The following CCBE1 variants were observed in gnomAD, a reference collection of about 807,000 sequenced individuals.
CCBE1 encodes collagen and calcium binding EGF domains 1.
In CCBE1, 37 loss-of-function variants were observed where a neutral mutation model predicts 50.0. The ratio of observed to expected loss-of-function variants is 0.74; its 90% CI spans 0.57 to 0.97. The LOEUF (loss-of-function observed/expected upper bound fraction) is 0.97. Among genes scored for constraint, CCBE1 ranks in the 50% least tolerant of loss-of-function variants. CCBE1 has a pLI of 0.00. For missense variants in CCBE1, 538 were observed against 523.8 expected, an observed-to-expected ratio of 1.03 and a Z score of -0.26; for synonymous variants, 234 against 203.7, an observed-to-expected ratio of 1.15 and a Z score of -1.27.
At chr18:59,688,168 A>T (rs2054682512) in intron 2 of CCBE1, 1 of 152,150 alleles carries the variant, frequency 6.6e-6, no homozygotes, top group African/African-American at 2.4e-5. Flanking sequence ...TTTCTACTAT[A>T]CTAATTCAAA....
chr18:59,573,928 G>A (rs558258080), intron 2 of CCBE1, among the ~76,000 whole-genome samples: 1 of 152,282 alleles, frequency 6.6e-6, no homozygotes, highest in South Asian at 2.1e-4. Context: ...CATGTAATAG[G>A]TATGAAATAT....
intron 2 of CCBE1, among the ~76,000 whole-genome samples, chr18:59,511,027 T>C (rs985909976): frequency 6.6e-6 from 1 of 152,184 alleles, no homozygotes; most frequent in African/African-American, 2.4e-5. Flanking sequence ...AGAGCCTATG[T>C]CTGACCCCTG....
At chr18:59,671,183 T>A (rs1030865273) in intron 2 of CCBE1, among the ~76,000 whole-genome samples, 1 of 151,740 alleles carries the variant, frequency 6.6e-6, no homozygotes, top group Admixed American at 6.6e-5. Context: ...AGGAAAGCCA[T>A]TTGAGTACCC....
At chr18:59,612,307 AAAAAAAAAGGGAAGAAAAAAAAG>A (rs1468556031) in intron 2 of CCBE1, among the ~76,000 whole-genome samples, 8 of 145,294 alleles carry the variant, frequency 5.5e-5, no homozygotes, top group African/African-American at 1.5e-4. Context: ...AAAAAAAAAG[AAAAAAAAAGGGAAGAAAAAAAAG>A]AAAAAAAAAA....
At position 59,466,808 on chromosome 18, in the gene CCBE1, G is replaced by A. The variant is rs562613006; in HGVS notation, c.484C>T (p.Arg162Trp). 56 of 1,613,670 alleles carry A rather than the reference G, an allele frequency of 3.5e-5. No individual in the cohort carries two copies. Among genetic ancestry groups the A allele is most frequent in the African/African-American group, 2.0e-4 (15 of 75,018 alleles). Reference sequence around the variant, plus strand: ...TCATCTTCCCGGATGTAGCCTTCCCGGCACTCGCAGCGGTAGCTGCCCAAG... The same window carrying A: ...TCATCTTCCCGGATGTAGCCTTCCCAGCACTCGCAGCGGTAGCTGCCCAAG... ...NTLGSYRCEC[R>W]EGYIREDDGK... is the part of the protein sequence containing the mutation. Residue 162 changes from arginine (R) to tryptophan (W), a missense_variant, in exon 5 of 11, where the codon CGG (arginine) becomes TGG (tryptophan). Coordinates refer to ENST00000439986, the MANE Select transcript of CCBE1 (RefSeq NM_133459.4).
At chr18:59,540,943 C>T (rs1915442793) in intron 2 of CCBE1, among the ~76,000 whole-genome samples, 1 of 152,160 alleles carries the variant, frequency 6.6e-6, no homozygotes, top group Admixed American at 6.5e-5. Context: ...AGTAGTTGGG[C>T]TGCTGGAAAA....
chr18:59,564,361 T>C (rs1239938860), intron 2 of CCBE1, among the ~76,000 whole-genome samples: 1 of 152,218 alleles, frequency 6.6e-6, no homozygotes, highest in Non-Finnish European at 1.5e-5. Flanking sequence ...CAAAATGAGA[T>C]ACTATATATA....
At chr18:59,581,020 G>A (rs938652529) in intron 2 of CCBE1, among the ~76,000 whole-genome samples, 2 of 152,146 alleles carry the variant, frequency 1.3e-5, no homozygotes, top group African/African-American at 2.4e-5. Context: ...AGCATCAGTC[G>A]CCAACACATC....
intron 2 of CCBE1, among the ~76,000 whole-genome samples, chr18:59,506,815 T>A (rs763057964): frequency 5.1e-4 from 77 of 152,208 alleles, no homozygotes; most frequent in Non-Finnish European, 1.0e-3. Flanking sequence ...AATTTACAAC[T>A]ATCACCTCTG....
intron 2 of CCBE1, among the ~76,000 whole-genome samples, chr18:59,522,324 A>G (rs1228270590): frequency 6.6e-6 from 1 of 152,224 alleles, no homozygotes; most frequent in African/African-American, 2.4e-5. Flanking sequence ...ACCATCGGCT[A>G]ATTGACATAA....
chr18:59,586,262 T>C (rs1340058867), intron 2 of CCBE1, among the ~76,000 whole-genome samples: 1 of 152,196 alleles, frequency 6.6e-6, no homozygotes, highest in East Asian at 1.9e-4. Flanking sequence ...AGCCACTGGA[T>C]TACCCTCTTC....
Position 59,439,689 on chromosome 18 carries a change from C to T in CCBE1, c.903G>A (p.Arg301=). 1 of 1,614,250 alleles carries T rather than the reference C, an allele frequency of 6.2e-7. No homozygotes were observed. Among genetic ancestry groups the T allele is most frequent in the African/African-American group, 1.3e-5 (1 of 75,072 alleles). The change falls in exon 8 of 11, where the codon CGG becomes CGA. Residue 301 remains arginine, a synonymous_variant. Coordinates refer to ENST00000439986, the MANE Select transcript of CCBE1 (RefSeq NM_133459.4). ...SPDLSHIKQG[R]RGPVGPPGAP... ...ATAAGATACTGACCACAGGGCCCCTCCGGCCTTGCTTAATGTGGGACAGAT... is the reference window on the plus strand; with the variant it reads ...ATAAGATACTGACCACAGGGCCCCTTCGGCCTTGCTTAATGTGGGACAGAT...
At chr18:59,486,427 A>G (rs914101611) in intron 2 of CCBE1, among the ~76,000 whole-genome samples, 1 of 152,244 alleles carries the variant, frequency 6.6e-6, no homozygotes, top group Admixed American at 6.5e-5. Flanking sequence ...TGATTTCAAG[A>G]GGCCGGAAAA....
intron 2 of CCBE1, among the ~76,000 whole-genome samples, chr18:59,676,728 A>T (rs563075913): frequency 6.6e-6 from 1 of 152,350 alleles, no homozygotes; most frequent in South Asian, 2.1e-4. Flanking sequence ...CAACAAAGAC[A>T]AAAACCTGAA....
chr18:59,637,464 C>T (rs1211395276), intron 2 of CCBE1, among the ~76,000 whole-genome samples: 2 of 152,170 alleles, frequency 1.3e-5, no homozygotes, highest in Non-Finnish European at 2.9e-5. Context: ...CACACACCCT[C>T]ACCCATCCAC....
At chr18:59,463,323 G>A (rs1010022887) in intron 5 of CCBE1, among the ~76,000 whole-genome samples, 1 of 152,168 alleles carries the variant, frequency 6.6e-6, no homozygotes, top group Non-Finnish European at 1.5e-5. Flanking sequence ...GACCTCCTGG[G>A]TTCAAGTGAT....
chr18:59,657,889 A>C (rs200247969), intron 2 of CCBE1, among the ~76,000 whole-genome samples: 2 of 146,230 alleles, frequency 1.4e-5, no homozygotes, highest in Non-Finnish European at 3.0e-5. Flanking sequence ...AAACAACAAC[A>C]AACAACAACA....
rs1484036347 is a variant in CCBE1 at position 59,432,362 on chromosome 18, A to C, written c.*3546T>G. On this transcript the variant is annotated 3_prime_UTR_variant, in exon 11 of 11. Transcript: ENST00000439986. The stretch of plus-strand genomic sequence containing the variant: ...GAGGGTGCAAAAAATCGAAGTCAAC[A>C]TTTCTACTAACAGGTTGAGGAGGTG... 6.6e-6 allele frequency: 1 copy of C among 152,166 alleles called. No individual in the cohort carries two copies. Among genetic ancestry groups the C allele is most frequent in the African/African-American group, 2.4e-5 (1 of 41,436 alleles). 9.4% of individuals were successfully genotyped at this position (152,166 alleles called of 1,614,324 possible). A position where few individuals can be genotyped will look rare whatever the true frequency, so the allele number is the denominator to read the frequency against.
At chr18:59,592,268 T>C (rs1009022834) in intron 2 of CCBE1, among the ~76,000 whole-genome samples, 1 of 152,206 alleles carries the variant, frequency 6.6e-6, no homozygotes, top group Non-Finnish European at 1.5e-5. Context: ...TTTCAGGCTA[T>C]GTGTATAAGG....
Sources: gnomAD v4.1 joint callset for allele counts (sites outside exome capture counted in the v4.1 genomes callset) on GRCh38, gnomAD v4.1.1 for gene constraint, MANE v1.5 for transcripts, NCBI Gene and HGNC (gene_info 2026-07-23, HGNC 2026-07-21) for gene names.